Variants in NDUFAF7 observed in about 807,000 individuals in gnomAD.
NDUFAF7 encodes the protein NADH:ubiquinone oxidoreductase complex assembly factor 7.
NDUFAF7 carries 48 observed loss-of-function variants against 47.2 expected under a neutral mutation model. That is an observed-to-expected ratio of 1.02 (90% CI 0.81 to 1.29). The LOEUF is 1.29. NDUFAF7 is among the 50% of genes most tolerant of loss of function. The pLI, the probability that NDUFAF7 is intolerant of heterozygous loss-of-function variation, is 0.00. For missense variants in NDUFAF7, 635 were observed against 537.6 expected (o/e 1.18, Z -1.79); for synonymous variants, 217 against 190.0 (o/e 1.14, Z -1.17).
At chr2:37,240,118 T>C (rs1358855864) in intron 4 of NDUFAF7, among the ~76,000 whole-genome samples, 1 of 152,210 alleles carries the variant, frequency 6.6e-6, no homozygotes, top group Non-Finnish European at 1.5e-5. Context: ...ATTTTATATG[T>C]ACTTGACAAT....
At chr2:37,265,322 C>T in the NDUFAF7 span, among the ~76,000 whole-genome samples, 1 of 152,100 alleles carries the variant, frequency 6.6e-6, no homozygotes, top group African/African-American at 2.4e-5. Context: ...ATAACTAAAT[C>T]TTATGAAACT....
the NDUFAF7 span, among the ~76,000 whole-genome samples, chr2:37,259,260 G>A: frequency 1.3e-5 from 2 of 152,160 alleles, no homozygotes; most frequent in African/African-American, 4.8e-5. Context: ...CACCCCATTT[G>A]TTTTATTTAT....
At chr2:37,262,898 C>T in the NDUFAF7 span, among the ~76,000 whole-genome samples, 2 of 147,024 alleles carry the variant, frequency 1.4e-5, no homozygotes, top group East Asian at 2.4e-4. Flanking sequence ...GATTCCTTCC[C>T]CCCCCCGTAT....
chr2:37,264,442 G>A, the NDUFAF7 span, among the ~76,000 whole-genome samples: 1 of 130,992 alleles, frequency 7.6e-6, no homozygotes. Context: ...CAGACAATGG[G>A]AAATAAAATA....
downstream of NDUFAF7, among the ~76,000 whole-genome samples, chr2:37,258,402 T>TA (rs1484551703): frequency 6.6e-6 from 1 of 152,210 alleles, no homozygotes; most frequent in Non-Finnish European, 1.5e-5. Flanking sequence ...AACATCTTGA[T>TA]AAGGTAAAGA....
At chr2:37,265,081 G>C in the NDUFAF7 span, among the ~76,000 whole-genome samples, 1 of 152,176 alleles carries the variant, frequency 6.6e-6, no homozygotes, top group African/African-American at 2.4e-5. Context: ...GACGCCTCTA[G>C]GGATGCAGGT....
chr2:37,262,812 T>C, the NDUFAF7 span, among the ~76,000 whole-genome samples: 3 of 152,174 alleles, frequency 2.0e-5, no homozygotes, highest in African/African-American at 4.8e-5. Flanking sequence ...TTTTAGTAAG[T>C]TATACTTTCA....
intron 8 of NDUFAF7, among the ~76,000 whole-genome samples, chr2:37,246,973 G>C (rs1483638900): frequency 1.3e-5 from 2 of 152,078 alleles, no homozygotes; most frequent in Non-Finnish European, 2.9e-5. Flanking sequence ...TCTGAGGTTT[G>C]GGGTACGAGT....
the NDUFAF7 span, chr2:37,268,506 A>G: frequency 2.8e-6 from 1 of 354,678 alleles, no homozygotes; most frequent in Non-Finnish European, 5.5e-6. Context: ...CGCTCCAATA[A>G]AGTTCAGTGG....
At chr2:37,269,590 T>C in the NDUFAF7 span, 1 of 1,579,866 alleles carries the variant, frequency 6.3e-7, no homozygotes, top group Non-Finnish European at 8.7e-7. Flanking sequence ...ATGTGTACAA[T>C]ATGCAAACGG....
chr2:37,254,423 TTAGCTAACATG>T, downstream of NDUFAF7: 1 of 646,584 alleles, frequency 1.5e-6, no homozygotes, highest in Non-Finnish European at 2.8e-6. Flanking sequence ...ACGTGGACTT[TTAGCTAACATG>T]TAAAATGAAT....
At chr2:37,244,311 G>C (rs1385459753) in intron 7 of NDUFAF7, among the ~76,000 whole-genome samples, 2 of 152,238 alleles carry the variant, frequency 1.3e-5, no homozygotes, top group African/African-American at 4.8e-5. Flanking sequence ...AAGCAATGTA[G>C]TACAGACTAT....
Position 37,241,716 on chromosome 2 carries a change from C to T in NDUFAF7, c.547C>T (p.Pro183Ser), listed in dbSNP as rs372330927. 5.6e-6 allele frequency: 9 copies of T among 1,613,834 alleles called. No homozygotes were observed. The African/African-American group carries it at 6.7e-5, about 12-fold the overall frequency. ...KVPLERNAGS[P>S]VYMKGVTKSG... ...CCCGTTAGAGCGAAATGCTGGATCC[C>T]CAGTGTATATGAAAGGTGTCACTAA... The change falls in exon 5 of 10, where the codon CCA (proline) becomes TCA (serine). Residue 183 changes from proline (P) to serine (S), a missense_variant. Physicochemically the swap from Pro to Ser is moderately conservative, Grantham distance 74. Transcript: ENST00000002125.
intron 4 of NDUFAF7, among the ~76,000 whole-genome samples, chr2:37,239,148 T>G (rs1444125640): frequency 6.8e-6 from 1 of 148,038 alleles, no homozygotes; most frequent in Non-Finnish European, 1.5e-5. Context: ...AGACACAGTC[T>G]CACTTTGTCA....
rs374735256 is a variant in NDUFAF7 at position 37,248,378 on chromosome 2, A to T, written c.*28A>T. On this transcript the variant is annotated 3_prime_UTR_variant, in exon 10 of 10. Transcript: ENST00000002125. ...TTTCAGCTTGGACATTTTACCCTTC[A>T]GTCGGCCCAAGAAATCAAAATAAAG... is the stretch of plus-strand genomic sequence containing the variant. The T allele has an allele frequency of 2.4e-4, 377 of 1,583,092 alleles. 3 individuals carry two copies. The African/African-American group carries it at 4.5e-3, about 19-fold the overall frequency.
chr2:37,267,896 T>A, the NDUFAF7 span: 1 of 215,554 alleles, frequency 4.6e-6, no homozygotes, highest in Non-Finnish European at 9.1e-6. Context: ...TTATTCTAGA[T>A]TCAATGAGTC....
chr2:37,249,558 G>GACACACACACACAC (rs56374800), downstream of NDUFAF7, among the ~76,000 whole-genome samples: 420 of 128,462 alleles, frequency 3.3e-3, 5 homozygotes, highest in African/African-American at 9.5e-3. Context: ...GCCTGTGATA[G>GACACACACACACAC]ACACACACAC....
At chr2:37,268,476 T>C in the NDUFAF7 span, 1 of 384,394 alleles carries the variant, frequency 2.6e-6, no homozygotes, top group South Asian at 2.0e-5. Context: ...ACAAAGAAGA[T>C]CCAGACATCT....
rs766019063 is a variant in NDUFAF7 at position 37,246,091 on chromosome 2, G to A, written c.832G>A (p.Ala278Thr). The A allele has an allele frequency of 1.9e-5, 30 of 1,613,926 alleles. No homozygotes were observed. The South Asian group carries it at 3.3e-4, about 18-fold the overall frequency. Reference sequence around the variant, plus strand: ...GGATCATGTTGAAGTGTGTCCTGATGCTGGTGTTATCATCGAGGAACTTTC... The same window carrying A: ...GGATCATGTTGAAGTGTGTCCTGATACTGGTGTTATCATCGAGGAACTTTC... ...TRDHVEVCPDAGVIIEELSQR... is the reference protein window; with the variant it reads ...TRDHVEVCPDTGVIIEELSQR... Residue 278 changes from alanine (A) to threonine (T), a missense_variant, in exon 8 of 10, where the codon GCT (alanine) becomes ACT (threonine). Coordinates refer to ENST00000002125, the MANE Select transcript of NDUFAF7 (RefSeq NM_144736.5).
Sources: gnomAD v4.1 joint callset for allele counts (sites outside exome capture counted in the v4.1 genomes callset) on GRCh38, gnomAD v4.1.1 for gene constraint, MANE v1.5 for transcripts, NCBI Gene and HGNC (gene_info 2026-07-23, HGNC 2026-07-21) for gene names.